KCNC4: variants seen among roughly 807,000 people sequenced by gnomAD.
KCNC4 encodes the protein potassium voltage-gated channel subfamily C member 4.
A neutral mutation model predicts 42.8 loss-of-function variants in KCNC4; 23 were observed. The observed-to-expected ratio is 0.54, with a 90% CI of 0.39 to 0.76. The LOEUF is 0.76. KCNC4 is among the 30% of genes least tolerant of loss of function. KCNC4 has a pLI of 0.00. For synonymous variants in KCNC4, 422 were observed against 393.5 expected (o/e 1.07, Z -0.86); for missense variants, 751 against 898.2 (o/e 0.84, Z 2.10).
Position 110,226,009 on chromosome 1 carries a change from G to T in KCNC4, c.1650G>T (p.Leu550=). 6.2e-7 allele frequency: 1 copy of T among 1,611,070 alleles called. No individual in the cohort carries two copies. Among genetic ancestry groups the T allele is most frequent in the Non-Finnish European group, 8.5e-7 (1 of 1,177,906 alleles). The change falls in exon 3 of 4, where the codon CTG becomes CTT. Residue 550 remains leucine (L), a synonymous_variant. Transcript: ENST00000438661. The part of the protein sequence containing the change: ...SKQNGDANAV[L]SDEEGAGLTQ... ...AGAATGGCGATGCCAACGCAGTGCT[G>T]TCTGATGAGGAGGGAGCTGGCCTCA... is the stretch of plus-strand genomic sequence containing the variant.
intron 1 of KCNC4, among the ~76,000 whole-genome samples, chr1:110,268,056 T>C (rs1232825277): frequency 6.6e-6 from 1 of 152,178 alleles, no homozygotes; most frequent in Admixed American, 6.5e-5. Flanking sequence ...GATTTATAAC[T>C]TCCCCAGCTA....
Position 110,211,680 on chromosome 1 carries a change from C to G in KCNC4, c.181C>G (p.Arg61Gly). Residue 61 changes from arginine to glycine, a missense_variant, in exon 1 of 4, where the codon CGC becomes GGC. By Grantham distance (125) the Arg-to-Gly change is moderately radical (BLOSUM62 -2). Around this residue, in one of 4 missense-constraint regions of KCNC4, gnomAD observed 183 missense variants for 255.8 expected, o/e 0.72. Coordinates refer to ENST00000438661, the MANE Select transcript of KCNC4 (RefSeq NM_001039574.3). The surrounding 1 kb of genome is among the most constrained non-coding windows in gnomAD (Gnocchi z 6.5). Reference protein sequence around the residue: ...RSTLRTLPGTRLAWLADPDGG... With the variant: ...RSTLRTLPGTGLAWLADPDGG... The stretch of plus-strand genomic sequence containing the variant: ...CACCCTGCGCACCCTACCGGGAACC[C>G]GCCTCGCCTGGCTGGCCGACCCCGA... 1 of 1,611,862 alleles carries G rather than the reference C, an allele frequency of 6.2e-7. No individual in the cohort carries two copies. Among genetic ancestry groups the G allele is most frequent in the Non-Finnish European group, 8.5e-7 (1 of 1,179,102 alleles).
chr1:110,241,050 C>T (rs4839262), exon 4 of KCNC4: 4,360 of 152,440 alleles, frequency 0.029, 138 homozygotes, highest in East Asian at 0.12. Context: ...CGCCTGGGGG[C>T]GGGATGTTGA....
At chr1:110,237,200 C>T (rs1473596760), downstream of KCNC4, 2 of 152,022 alleles carry the variant, frequency 1.3e-5, no homozygotes, top group East Asian at 3.9e-4. Flanking sequence ...GCCTGTAGCC[C>T]CAGCTTCTCG....
chr1:110,248,570 C>T (rs137975148), exon 4 of KCNC4: 11 of 151,968 alleles, frequency 7.2e-5, no homozygotes, highest in African/African-American at 2.4e-4. Flanking sequence ...ATTATTTTGG[C>T]GTGCCTTTTA....
intron 1 of KCNC4, among the ~76,000 whole-genome samples, chr1:110,273,607 C>T (rs566374125): frequency 6.6e-6 from 1 of 152,340 alleles, no homozygotes; most frequent in East Asian, 1.9e-4. Context: ...CACCCTGGCC[C>T]TCTCCAGCAA....
intron 1 of KCNC4, among the ~76,000 whole-genome samples, chr1:110,276,481 C>T (rs1206707730): frequency 6.6e-6 from 1 of 152,060 alleles, no homozygotes; most frequent in East Asian, 1.9e-4. Flanking sequence ...CTGCCTAGTC[C>T]TCATGGGTAC....
At chr1:110,235,330 G>GC (rs1413558057), downstream of KCNC4, 1 of 152,178 alleles carries the variant, frequency 6.6e-6, no homozygotes, top group African/African-American at 2.4e-5. Flanking sequence ...AGTGGCTGTG[G>GC]CCCCCCTAGA....
At chr1:110,254,130 G>C (rs562393755) in intron 1 of KCNC4, among the ~76,000 whole-genome samples, 1 of 151,564 alleles carries the variant, frequency 6.6e-6, no homozygotes, top group Non-Finnish European at 1.5e-5. Flanking sequence ...TTGCCTGCAG[G>C]GTTCCAGGAG....
chr1:110,269,543 C>CA (rs1441518433), intron 1 of KCNC4, among the ~76,000 whole-genome samples: 1 of 152,160 alleles, frequency 6.6e-6, no homozygotes, highest in Non-Finnish European at 1.5e-5. Flanking sequence ...TTTATCAGTT[C>CA]ACCAGTTGAA....
chr1:110,277,939 C>T (rs896124542), intron 1 of KCNC4, among the ~76,000 whole-genome samples: 2 of 152,092 alleles, frequency 1.3e-5, no homozygotes, highest in African/African-American at 2.4e-5. Context: ...GCTTGAGCCC[C>T]GGAGTTTGAG....
exon 4 of KCNC4, chr1:110,239,573 T>G (rs1658984673): frequency 6.6e-6 from 1 of 152,166 alleles, no homozygotes; most frequent in South Asian, 2.1e-4. Flanking sequence ...CGGTAAATAT[T>G]TTATGAACAA....
downstream of KCNC4, chr1:110,249,235 C>T (rs1177396636): frequency 6.6e-6 from 1 of 152,196 alleles, no homozygotes; most frequent in Non-Finnish European, 1.5e-5. Context: ...GAGCAGGCCC[C>T]TTTTTTTCTG....
At chr1:110,213,859 C>G (rs568998425) in intron 1 of KCNC4, among the ~76,000 whole-genome samples, 1 of 151,656 alleles carries the variant, frequency 6.6e-6, no homozygotes, top group African/African-American at 2.4e-5. Context: ...AGTTGGGGGT[C>G]GGGGAGGAGA....
At chr1:110,217,213 A>G (rs887386798) in intron 1 of KCNC4, among the ~76,000 whole-genome samples, 1 of 152,162 alleles carries the variant, frequency 6.6e-6, no homozygotes, top group Non-Finnish European at 1.5e-5. Context: ...CAGGAGTCGT[A>G]AGAAAATAAA....
At chr1:110,230,900 G>A (rs964447192) in intron 3 of KCNC4, among the ~76,000 whole-genome samples, 2 of 152,230 alleles carry the variant, frequency 1.3e-5, no homozygotes, top group Admixed American at 6.5e-5. Context: ...CTGTACAGGC[G>A]TCAGGCTCAC....
At chr1:110,229,856 ATTAGACCTGACAGC>A (rs1413494041) in intron 3 of KCNC4, among the ~76,000 whole-genome samples, 1 of 152,164 alleles carries the variant, frequency 6.6e-6, no homozygotes, top group Non-Finnish European at 1.5e-5. Context: ...CCTGATGGGA[ATTAGACCTGACAGC>A]AGAGCCGTGC....
intron 1 of KCNC4, among the ~76,000 whole-genome samples, chr1:110,264,899 C>A (rs191287405): frequency 1.3e-5 from 2 of 152,022 alleles, no homozygotes; most frequent in Admixed American, 6.5e-5. Context: ...CTGGTCAACA[C>A]GGTGAAACCC....
At chr1:110,255,500 A>G (rs187191071) in intron 1 of KCNC4, among the ~76,000 whole-genome samples, 1 of 152,352 alleles carries the variant, frequency 6.6e-6, no homozygotes, top group East Asian at 1.9e-4. Flanking sequence ...AGTCCTAGAC[A>G]GAGCCGGGTG....
Sources: gnomAD v4.1 joint callset for allele counts (sites outside exome capture counted in the v4.1 genomes callset) on GRCh38, gnomAD v4.1.1 for gene constraint, gnomAD v4.1.1 regional missense constraint, Gnocchi (gnomAD v3.1) non-coding constraint, MANE v1.5 for transcripts, NCBI Gene and HGNC (gene_info 2026-07-23, HGNC 2026-07-21) for gene names.